The following TMCO1 variants were observed in gnomAD, a reference collection of about 807,000 sequenced individuals.
The protein encoded by TMCO1 is calcium load-activated calcium channel.
A neutral mutation model predicts 29.3 loss-of-function variants in TMCO1; 29 were observed. The observed-to-expected ratio is 0.99, with a 90% CI of 0.74 to 1.35. The LOEUF is 1.35. Ranked by LOEUF, TMCO1 falls within the 40% of genes most tolerant of loss-of-function variation. The probability of loss-of-function intolerance (pLI) is 0.00; values close to 1 mark genes in which losing one functional copy is unlikely to be tolerated. For missense variants in TMCO1, 173 were observed against 225.5 expected (o/e 0.77, Z 1.49); for synonymous variants, 80 against 77.1 (o/e 1.04, Z -0.20).
chr1:165,736,431 G>A (rs1367573786), intron 6 of TMCO1, among the ~76,000 whole-genome samples: 2 of 151,986 alleles, frequency 1.3e-5, no homozygotes, highest in African/African-American at 4.8e-5. Flanking sequence ...TTACTTAAGA[G>A]AACAGGCCGG....
Position 165,750,220 on chromosome 1 carries a change from G to C in TMCO1, c.323+1882C>G, listed in dbSNP as rs138744625. 3.4e-3 allele frequency among the ~76,000 whole-genome samples: 524 copies of C among 152,172 alleles called. 5 individuals are homozygous for C. Among genetic ancestry groups the C allele is most frequent in the African/African-American group, 0.012 (495 of 41,524 alleles). On this transcript the variant is annotated intron_variant, in intron 5 of 6. Transcript: ENST00000367881. Reference sequence around the variant, plus strand: ...TACATACTATCTAAAAATTCTTTATGATGATTAATAAAAAATTAGTTAAAC... The same window carrying C: ...TACATACTATCTAAAAATTCTTTATCATGATTAATAAAAAATTAGTTAAAC...
At chr1:165,765,811 A>G (rs1652545887) in intron 2 of TMCO1, among the ~76,000 whole-genome samples, 1 of 152,218 alleles carries the variant, frequency 6.6e-6, no homozygotes, top group Admixed American at 6.5e-5. Context: ...GAATATCAGA[A>G]TGGTAAAAAG....
intron 6 of TMCO1, among the ~76,000 whole-genome samples, chr1:165,736,053 G>A (rs1265452056): frequency 6.6e-6 from 1 of 152,214 alleles, no homozygotes; most frequent in South Asian, 2.1e-4. Context: ...CCTCTTTAAT[G>A]GGATTGTCCT....
In TMCO1 at chr1:165,760,335, G is replaced by A. The variant is rs139307019; in HGVS notation, c.149-751C>T. Among the ~76,000 whole-genome samples, 980 of 152,024 alleles carry A rather than the reference G, an allele frequency of 6.4e-3. 12 individuals carry two copies. The highest frequency in any genetic ancestry group is 8.7e-3 in the Non-Finnish European group (589 of 67,990). ...AATTCCAGCTACTTGGGAAGCTGAG[G>A]CAGGAGAATCACTTGAATCCAGGCG... is the stretch of plus-strand genomic sequence containing the variant. On this transcript the variant is annotated intron_variant, in intron 2 of 6. Coordinates refer to ENST00000367881, the MANE Select transcript of TMCO1 (RefSeq NM_019026.6).
At chr1:165,749,771 C>CA (rs911352488) in intron 5 of TMCO1, among the ~76,000 whole-genome samples, 1 of 151,732 alleles carries the variant, frequency 6.6e-6, no homozygotes, top group Admixed American at 6.6e-5. Context: ...GCTTTAACAA[C>CA]AAAAAATATT....
At chr1:165,764,317 G>A (rs946767069) in intron 2 of TMCO1, among the ~76,000 whole-genome samples, 5 of 152,154 alleles carry the variant, frequency 3.3e-5, no homozygotes, top group African/African-American at 9.7e-5. Context: ...TAGGTACTGT[G>A]GATACAATGG....
chr1:165,766,800 A>G (rs1652587208), intron 2 of TMCO1, among the ~76,000 whole-genome samples: 1 of 152,076 alleles, frequency 6.6e-6, no homozygotes, highest in South Asian at 2.1e-4. Context: ...AAGGATGACT[A>G]GTAAGATGGA....
Position 165,761,766 on chromosome 1 carries a change from C to T in TMCO1, c.149-2182G>A, listed in dbSNP as rs141094449. On this transcript the variant is annotated intron_variant, in intron 2 of 6. Coordinates refer to ENST00000367881, the MANE Select transcript of TMCO1 (RefSeq NM_019026.6). ...GAGTTCGAGATCAGCATGGGCAACA[C>T]GGTGAAACCTCGTCTCTACCAAAAC... Among the ~76,000 whole-genome samples, 173 of 151,504 alleles carry T rather than the reference C, an allele frequency of 1.1e-3. 1 individual carries two copies. Among genetic ancestry groups the T allele is most frequent in the African/African-American group, 3.6e-3 (148 of 41,336 alleles).
At chr1:165,739,515 G>A (rs1651510101) in intron 6 of TMCO1, among the ~76,000 whole-genome samples, 1 of 151,936 alleles carries the variant, frequency 6.6e-6, no homozygotes, top group African/African-American at 2.4e-5. Context: ...AGACTCCCAA[G>A]TAGCTGGGAG....
chr1:165,754,811 T>G (rs568954738), intron 3 of TMCO1: 4 of 154,758 alleles, frequency 2.6e-5, no homozygotes, highest in Admixed American at 6.4e-5. Flanking sequence ...CTGGGCAACA[T>G]AGCAAGACCC....
chr1:165,759,505 T>C lies in TMCO1; in HGVS notation c.208+20A>G, dbSNP rs371205986. On this transcript the variant is annotated intron_variant, in intron 3 of 6. Transcript: ENST00000367881. Reference sequence around the variant, plus strand: ...TTTTAAGAAAACCCAAATTTCATTTTGACTAATATCTCATCTTACCTATTT... The same window carrying C: ...TTTTAAGAAAACCCAAATTTCATTTCGACTAATATCTCATCTTACCTATTT... 196 of 1,589,816 alleles carry C rather than the reference T, an allele frequency of 1.2e-4. No homozygotes were observed. The highest frequency in any genetic ancestry group is 9.7e-4 in the Middle Eastern group (5 of 5,144).
chr1:165,726,215 A>C, downstream of TMCO1: 1 of 699,622 alleles, frequency 1.4e-6, no homozygotes, highest in South Asian at 1.5e-5. Flanking sequence ...TGGAGAAAAG[A>C]CCATTAAAAG....
intron 6 of TMCO1, among the ~76,000 whole-genome samples, chr1:165,739,627 T>C (rs1317392419): frequency 2.6e-5 from 4 of 152,064 alleles, no homozygotes; most frequent in Admixed American, 6.6e-5. Flanking sequence ...GGGCTCAAGC[T>C]ACCTGCTCGC....
At chr1:165,768,598 C>G in intron 1 of TMCO1, 84 bp downstream of exon 1, 2 of 1,608,200 alleles carry the variant, frequency 1.2e-6, no homozygotes, top group Non-Finnish European at 1.7e-6. Context: ...GTAAGGCTCG[C>G]GATCTTTCCC....
At chr1:165,730,114 G>T (rs574564576) in intron 6 of TMCO1, among the ~76,000 whole-genome samples, 179 of 147,250 alleles carry the variant, frequency 1.2e-3, no homozygotes, top group African/African-American at 4.3e-3. Context: ...GAGGTCAGGA[G>T]ATCGAGATCA....
intron 6 of TMCO1, among the ~76,000 whole-genome samples, chr1:165,728,332 C>A (rs879304147): frequency 1.1e-4 from 17 of 151,706 alleles, no homozygotes; most frequent in Non-Finnish European, 2.1e-4. Flanking sequence ...TCTTGGCTCA[C>A]TGCAAGCTCT....
chr1:165,733,683 G>C (rs56160106), intron 6 of TMCO1, among the ~76,000 whole-genome samples: 2,022 of 152,200 alleles, frequency 0.013, 54 homozygotes, highest in African/African-American at 0.047. Context: ...AAAGAAAATA[G>C]AAATGCAAAA....
At chr1:165,742,293 C>G (rs988727335) in intron 6 of TMCO1, among the ~76,000 whole-genome samples, 2 of 151,950 alleles carry the variant, frequency 1.3e-5, no homozygotes, top group African/African-American at 4.8e-5. Context: ...GACAGGGTCC[C>G]GCTCTGCTGC....
intron 6 of TMCO1, among the ~76,000 whole-genome samples, chr1:165,729,103 T>TA (rs553390393): frequency 0.016 from 1,198 of 76,238 alleles, 14 homozygotes; most frequent in African/African-American, 0.03. Flanking sequence ...AGATTCTGTC[T>TA]AAAAAAAAAA....
Sources: gnomAD v4.1 joint callset for allele counts (sites outside exome capture counted in the v4.1 genomes callset) on GRCh38, gnomAD v4.1.1 for gene constraint, MANE v1.5 for transcripts, NCBI Gene and HGNC (gene_info 2026-07-23, HGNC 2026-07-21) for gene names.